Variants in GLB1L2 observed in about 807,000 individuals in gnomAD.
The protein encoded by GLB1L2 is beta-galactosidase-1-like protein 2.
In GLB1L2, 68 loss-of-function variants were observed where a neutral mutation model predicts 84.1. That is an observed-to-expected ratio of 0.81 (90% confidence interval 0.67 to 0.99). The LOEUF is 0.99. GLB1L2 is among the 50% of genes least tolerant of loss of function. The pLI, the probability that GLB1L2 is intolerant of heterozygous loss-of-function variation, is 0.00. For missense variants in GLB1L2, 762 were observed against 805.6 expected (o/e 0.95, Z 0.66); for synonymous variants, 290 against 318.0 (o/e 0.91, Z 0.94).
intron 16 of GLB1L2, 111 bp downstream of exon 16, chr11:134,373,919 T>A (rs1418472325): frequency 1.2e-6 from 1 of 848,604 alleles, no homozygotes; most frequent in African/African-American, 1.7e-5. Flanking sequence ...TGTGAACGCC[T>A]CCAGGGGCCA....
intron 3 of GLB1L2, among the ~76,000 whole-genome samples, chr11:134,344,656 G>A (rs529713850): frequency 4.3e-3 from 655 of 151,008 alleles, no homozygotes; most frequent in African/African-American, 0.016. Context: ...TGCAGCCTCC[G>A]GGCCCCACCT....
At chr11:134,371,616 G>C in intron 14 of GLB1L2, 124 bp downstream of exon 14, 1 of 1,038,188 alleles carries the variant, frequency 9.6e-7, no homozygotes, top group South Asian at 1.3e-5. Context: ...GGTGGAGAGG[G>C]CGAGTGTGGC....
At chr11:134,340,115 G>A (rs982051441) in intron 1 of GLB1L2, among the ~76,000 whole-genome samples, 4 of 152,186 alleles carry the variant, frequency 2.6e-5, no homozygotes, top group Non-Finnish European at 5.9e-5. Context: ...AGCAGGGTGG[G>A]GAGTGGAGGC....
At position 134,370,395 on chromosome 11, in the gene GLB1L2, G is replaced by A. The variant is rs141934398; in HGVS notation, c.1211G>A (p.Gly404Glu). ...CTGTGGGACGCCCTCAAGTACCTGG[G>A]GGAGGTGAGTGCTGTGGGCAGTCAT... ...LSLWDALKYLGEPIKSEKPIN... is the reference protein window; with the variant it reads ...LSLWDALKYLEEPIKSEKPIN... Residue 404 changes from glycine to glutamate, a missense_variant, in exon 12 of 19, where the codon GGG (glycine) becomes GAG (glutamate). Around this residue, in one of 3 missense-constraint regions of GLB1L2, gnomAD observed 603 missense variants for 611.7 expected, o/e 0.99. Coordinates refer to ENST00000535456, the MANE Select transcript of GLB1L2 (RefSeq NM_001370461.1). This position sits in a 1 kb window ranked among gnomAD's most constrained non-coding sequence, Gnocchi z 4.7. 91 of 1,612,044 alleles carry A rather than the reference G, an allele frequency of 5.6e-5. No individual in the cohort carries two copies. In the East Asian group the frequency reaches 6.7e-4, roughly 12 times the overall value.
At chr11:134,364,188 A>C in intron 7 of GLB1L2, 140 bp from the exon 8 acceptor site, 2 of 688,628 alleles carry the variant, frequency 2.9e-6, no homozygotes, top group Non-Finnish European at 5.0e-6. Flanking sequence ...ACTGTGGCTG[A>C]CTTCTAACTG....
At chr11:134,369,041 G>A (rs976239889) in intron 10 of GLB1L2, among the ~76,000 whole-genome samples, 5 of 152,142 alleles carry the variant, frequency 3.3e-5, no homozygotes, top group African/African-American at 4.8e-5. Flanking sequence ...GAAGGAGACC[G>A]CCCTAGGGGG....
At position 134,332,047 on chromosome 11, in the gene GLB1L2, C is replaced by G. The variant is rs755663139; in HGVS notation, c.-15C>G. 7.8e-6 allele frequency: 12 copies of G among 1,546,238 alleles called. No homozygotes were observed. The Admixed American group carries it at 1.3e-4, about 17-fold the overall frequency. ...TGGAGTGGGAACCCGGGTCCCCGCG[C>G]TTAGAGAACACGCGATGACCACGTG... On this transcript the variant is annotated 5_prime_UTR_variant, in exon 1 of 19. Coordinates refer to ENST00000535456, the MANE Select transcript of GLB1L2 (RefSeq NM_001370461.1).
intron 1 of GLB1L2, among the ~76,000 whole-genome samples, chr11:134,335,594 G>A (rs1943373950): frequency 6.6e-6 from 1 of 152,116 alleles, no homozygotes; most frequent in Non-Finnish European, 1.5e-5. Flanking sequence ...GAGTTGTCTT[G>A]GAGCAGCCAT....
rs551942933 is a variant in GLB1L2, at chr11:134,334,815, G to A, written c.86+2668G>A. ...CTCAGAGTATTATTTTGAGGTCTGCGATGCACGTATCAGTGCGAACCGTGC... is the reference window on the plus strand; with the variant it reads ...CTCAGAGTATTATTTTGAGGTCTGCAATGCACGTATCAGTGCGAACCGTGC... On this transcript the variant is annotated intron_variant, in intron 1 of 18. Coordinates refer to ENST00000535456, the MANE Select transcript of GLB1L2 (RefSeq NM_001370461.1). This position sits in a 1 kb window ranked among gnomAD's most constrained non-coding sequence, Gnocchi z 4.1. Among the ~76,000 whole-genome samples, 40 of 152,218 alleles carry A rather than the reference G, an allele frequency of 2.6e-4. No homozygotes were observed. The South Asian group carries it at 4.1e-3, about 16-fold the overall frequency.
intron 4 of GLB1L2, chr11:134,347,114 C>T (rs1565435755): frequency 1.8e-6 from 1 of 540,658 alleles, no homozygotes; most frequent in Non-Finnish European, 3.4e-6. Context: ...CAGGCTGTGT[C>T]CTTGGGGAGG....
At chr11:134,357,285 C>A (rs1434699503) in intron 6 of GLB1L2, among the ~76,000 whole-genome samples, 1 of 152,238 alleles carries the variant, frequency 6.6e-6, no homozygotes, top group Non-Finnish European at 1.5e-5. Context: ...AGTCCCTCCA[C>A]GTGGGAGACC....
Position 134,370,529 on chromosome 11 carries a change from C to T in GLB1L2, c.1215+130C>T. The T allele has an allele frequency of 1.4e-6, 1 of 699,496 alleles. No homozygotes were observed. The allele number at this position is 699,496 out of a possible 1,614,324, so 43.3% of individuals were successfully genotyped here. Reference sequence around the variant, plus strand: ...GGGGCAGCAGGGCCTGGAGCCCCTCCAGACAGGGAGTGTGGGGGGAGGCAG... The same window carrying T: ...GGGGCAGCAGGGCCTGGAGCCCCTCTAGACAGGGAGTGTGGGGGGAGGCAG... On this transcript the variant is annotated intron_variant, in intron 12 of 18. Coordinates refer to ENST00000535456, the MANE Select transcript of GLB1L2 (RefSeq NM_001370461.1). This position sits in a 1 kb window ranked among gnomAD's most constrained non-coding sequence, Gnocchi z 4.7.
At chr11:134,374,296 C>T (rs1943996586) in intron 17 of GLB1L2, 40 bp downstream of exon 17, 1 of 1,463,006 alleles carries the variant, frequency 6.8e-7, no homozygotes, top group South Asian at 1.1e-5. Flanking sequence ...CTCCCACCTG[C>T]CTCCCGCCTT....
chr11:134,346,282 C>G (rs1014684127), intron 4 of GLB1L2: 6 of 152,758 alleles, frequency 3.9e-5, no homozygotes, highest in African/African-American at 1.4e-4. Context: ...GCCAGGGCAG[C>G]CTCTCCCATC....
rs1434537113 is a variant in GLB1L2, at chr11:134,339,224, C to G, written c.87-3530C>G. Among the ~76,000 whole-genome samples the G allele has an allele frequency of 6.6e-6, 1 of 152,138 alleles. No homozygotes were observed. Among genetic ancestry groups the G allele is most frequent in the Non-Finnish European group, 1.5e-5 (1 of 68,022 alleles). Reference sequence around the variant, plus strand: ...AAGTCTTGCTGACCTTTAAACCAACCAACTCCAACCACACTGTTGATATTT... The same window carrying G: ...AAGTCTTGCTGACCTTTAAACCAACGAACTCCAACCACACTGTTGATATTT... On this transcript the variant is annotated intron_variant, in intron 1 of 18. Transcript: ENST00000535456. The surrounding 1 kb of genome is among the most constrained non-coding windows in gnomAD (Gnocchi z 5.7).
Position 134,359,047 on chromosome 11 carries a change from A to AT in GLB1L2, c.652-10dup. The AT allele has an allele frequency of 6.4e-7, 1 of 1,573,038 alleles. No homozygotes were observed. The highest frequency in any genetic ancestry group is 8.6e-7 in the Non-Finnish European group (1 of 1,159,038). On this transcript the variant is annotated splice_polypyrimidine_tract_variant and intron_variant, in intron 6 of 18. Coordinates refer to ENST00000535456, the MANE Select transcript of GLB1L2 (RefSeq NM_001370461.1). The stretch of plus-strand genomic sequence containing the variant: ...GCCAGGGCAGACGAGGGCTTGTCTC[A>AT]TTTCCCCCACAGGCACTGGAGGACC...
chr11:134,350,402 C>A (rs1361586416), intron 5 of GLB1L2, among the ~76,000 whole-genome samples: 2 of 152,214 alleles, frequency 1.3e-5, no homozygotes, highest in African/African-American at 2.4e-5. Context: ...TGTGACAAGG[C>A]AGCACTGAGT....
intron 6 of GLB1L2, 150 bp downstream of exon 6, chr11:134,356,543 C>T: frequency 3.3e-6 from 2 of 602,086 alleles, no homozygotes; most frequent in Non-Finnish European, 2.9e-6. Context: ...TTTATTTCAA[C>T]AGGGTTGTCA....
In GLB1L2 at chr11:134,342,413, C is replaced by T. The variant is rs866375053; in HGVS notation, c.87-341C>T. Among the ~76,000 whole-genome samples, 27 of 152,008 alleles carry T rather than the reference C, an allele frequency of 1.8e-4. No individual in the cohort carries two copies. The South Asian group carries it at 5.2e-3, about 29-fold the overall frequency. On this transcript the variant is annotated intron_variant, in intron 1 of 18. Coordinates refer to ENST00000535456, the MANE Select transcript of GLB1L2 (RefSeq NM_001370461.1). ...TCGCGCGTGGCCGCGGGGCTGGCCA[C>T]GGTGAAGCCCGTGCGGCGCCCGCCC...
Sources: allele counts gnomAD v4.1 joint callset (sites outside exome capture counted in the v4.1 genomes callset), GRCh38; gene constraint gnomAD v4.1.1; regional missense constraint gnomAD v4.1.1; non-coding constraint Gnocchi (gnomAD v3.1); transcripts MANE v1.5; gene names NCBI Gene and HGNC (gene_info 2026-07-23, HGNC 2026-07-21).